Variants in ANKRD28 observed in about 807,000 individuals in gnomAD.
ANKRD28 encodes the protein ankyrin repeat domain 28.
ANKRD28 carries 44 observed loss-of-function variants against 126.5 expected under a neutral mutation model. That is an observed-to-expected ratio of 0.35 (90% CI 0.27 to 0.45). The LOEUF is 0.45. ANKRD28 is among the 20% of genes least tolerant of loss of function. ANKRD28 has a pLI of 1.00. For missense variants in ANKRD28, 1,110 were observed against 1,316.6 expected, an observed-to-expected ratio of 0.84 and a Z score of 2.43; for synonymous variants, 442 against 468.5, an observed-to-expected ratio of 0.94 and a Z score of 0.73.
At position 15,846,588 on chromosome 3, in the gene ANKRD28, T is replaced by C. The variant is rs1342264204; in HGVS notation, c.27+12789A>G. ...GGCAACAGTTCCTAAATTCTGACCA[T>C]TTTATAACAATCGAAAGAGCTCCAC... On this transcript the variant is annotated intron_variant, in intron 1 of 27. Transcript: ENST00000399451. This position sits in a 1 kb window ranked among gnomAD's most constrained non-coding sequence, Gnocchi z 5.4. Among the ~76,000 whole-genome samples, 1 of 152,236 alleles carries C rather than the reference T, an allele frequency of 6.6e-6. No individual in the cohort carries two copies. The highest frequency in any genetic ancestry group is 1.5e-5 in the Non-Finnish European group (1 of 68,044).
In ANKRD28 at chr3:15,694,491, G is replaced by C. The variant is rs533327736; in HGVS notation, c.1761+248C>G. Among the ~76,000 whole-genome samples, 9 of 151,710 alleles carry C rather than the reference G, an allele frequency of 5.9e-5. No individual in the cohort carries two copies. The South Asian group carries it at 1.9e-3, about 32-fold the overall frequency. On this transcript the variant is annotated intron_variant, in intron 17 of 27. Transcript: ENST00000683139. The stretch of plus-strand genomic sequence containing the variant: ...CCCTTTCTCTCCCCAGAAGGCCCTG[G>C]GGGAAGCCTAAGGATCACTGTCTGT...
chr3:15,737,351 G>C (rs1432626383), intron 4 of ANKRD28, 118 bp from the exon 5 acceptor site: 14 of 877,362 alleles, frequency 1.6e-5, no homozygotes, highest in Non-Finnish European at 2.4e-5. Flanking sequence ...AAATAAAAAA[G>C]CTCTCATAGA....
At chr3:15,836,565 T>C (rs1043301099) in intron 1 of ANKRD28, among the ~76,000 whole-genome samples, 2 of 152,104 alleles carry the variant, frequency 1.3e-5, no homozygotes, top group African/African-American at 4.8e-5. Context: ...CAATACCTAA[T>C]TGTATGCTGT....
intron 2 of ANKRD28, among the ~76,000 whole-genome samples, chr3:15,791,602 C>T (rs1021575711): frequency 6.6e-6 from 1 of 152,028 alleles, no homozygotes; most frequent in Non-Finnish European, 1.5e-5. Context: ...TTGCCATATA[C>T]AAAATTCAAA....
Position 15,815,368 on chromosome 3 carries a change from C to T in ANKRD28, c.28-20062G>A, listed in dbSNP as rs1284842812. On this transcript the variant is annotated intron_variant, in intron 1 of 27. Coordinates refer to the ANKRD28 transcript ENST00000399451. The surrounding 1 kb of genome is among the most constrained non-coding windows in gnomAD (Gnocchi z 4.1). The stretch of plus-strand genomic sequence containing the variant: ...GTCACCCAGGTTGGAGTACAGTGGC[C>T]CAAATGTAGTTTCAACCTCCTGGGT... Among the ~76,000 whole-genome samples, 1 of 152,042 alleles carries T rather than the reference C, an allele frequency of 6.6e-6. No individual in the cohort carries two copies.
intron 1 of ANKRD28, among the ~76,000 whole-genome samples, chr3:15,824,756 G>C (rs1420789286): frequency 6.6e-6 from 1 of 152,202 alleles, no homozygotes; most frequent in African/African-American, 2.4e-5. Context: ...TTTGCTATCA[G>C]GTATCACTTA....
At chr3:15,683,531 T>C (rs369447853) in intron 21 of ANKRD28, among the ~76,000 whole-genome samples, 1 of 152,140 alleles carries the variant, frequency 6.6e-6, no homozygotes, top group African/African-American at 2.4e-5. Context: ...TTTAAGGTAG[T>C]AAAAAACAAA....
intron 3 of ANKRD28, among the ~76,000 whole-genome samples, chr3:15,754,098 GGTCCCCCCTTGTTTCACTTTTCACAGC>G: frequency 6.6e-6 from 1 of 152,270 alleles, no homozygotes; most frequent in Middle Eastern, 3.4e-3. Context: ...ATCACACAAT[GGTCCCCCCTTGTTTCACTTTTCACAGC>G]TTGTTACCCA....
rs1553638744 is a variant in ANKRD28, at chr3:15,796,643, G to GGT, written c.-123_-122insAC. The GGT allele has an allele frequency of 1.1e-4, 102 of 912,918 alleles. No homozygotes were observed. Among genetic ancestry groups the GGT allele is most frequent in the Admixed American group, 1.2e-4 (2 of 16,102 alleles). 56.6% of individuals were successfully genotyped at this position (912,918 alleles called of 1,614,324 possible). On this transcript the variant is annotated 5_prime_UTR_variant, in exon 1 of 28. Transcript: ENST00000683139. ...AACATTCTCTGAACAGCACAGCTGG[G>GGT]TTTTTTTTTTTTTTAAAGTTAATAA...
intron 2 of ANKRD28, among the ~76,000 whole-genome samples, chr3:15,776,813 A>G (rs1224443119): frequency 2.0e-5 from 3 of 152,234 alleles, no homozygotes; most frequent in Non-Finnish European, 4.4e-5. Context: ...ATGAAAGTGT[A>G]ACCATTCTTC....
At chr3:15,772,451 C>T (rs1052391115) in intron 2 of ANKRD28, among the ~76,000 whole-genome samples, 2 of 152,046 alleles carry the variant, frequency 1.3e-5, no homozygotes, top group Non-Finnish European at 2.9e-5. Context: ...ATGAATATCC[C>T]CCATCAACAG....
At chr3:15,706,391 C>T (rs936731331) in intron 14 of ANKRD28, among the ~76,000 whole-genome samples, 1 of 148,872 alleles carries the variant, frequency 6.7e-6, no homozygotes, top group African/African-American at 2.4e-5. Flanking sequence ...TTTCCAGCTT[C>T]ATCCATGTTC....
intron 2 of ANKRD28, among the ~76,000 whole-genome samples, chr3:15,777,997 A>G (rs769681586): frequency 1.1e-4 from 16 of 152,072 alleles, no homozygotes; most frequent in Admixed American, 7.2e-4. Context: ...TGTTTTCTTT[A>G]TATTCATTCG....
chr3:15,749,241 GCTGGGA>G (rs2057708657), intron 4 of ANKRD28, among the ~76,000 whole-genome samples: 1 of 150,610 alleles, frequency 6.6e-6, no homozygotes, highest in Non-Finnish European at 1.5e-5. Flanking sequence ...CTCCCGAGTA[GCTGGGA>G]CTACAGGCGC....
chr3:15,854,878 G>A lies in ANKRD28; in HGVS notation c.27+4499C>T, dbSNP rs148257403. On this transcript the variant is annotated intron_variant, in intron 1 of 27. Coordinates refer to the ANKRD28 transcript ENST00000399451. This position sits in a 1 kb window ranked among gnomAD's most constrained non-coding sequence, Gnocchi z 4.1. ...ATCCTGGCCAACATGGTGAAACCCCGTCTCTACTAAAATTACAAAAATTAG... is the reference window on the plus strand; with the variant it reads ...ATCCTGGCCAACATGGTGAAACCCCATCTCTACTAAAATTACAAAAATTAG... Among the ~76,000 whole-genome samples the A allele has an allele frequency of 5.7e-3, 860 of 152,144 alleles. 6 individuals are homozygous for A. Among genetic ancestry groups the A allele is most frequent in the African/African-American group, 0.02 (817 of 41,516 alleles).
At position 15,829,207 on chromosome 3, in the gene ANKRD28, T is replaced by C. The variant is rs529058359; in HGVS notation, c.27+30170A>G. On this transcript the variant is annotated intron_variant, in intron 1 of 27. Transcript: ENST00000399451. ...TTTATTTACTAATATATCCACTACA[T>C]ACCAATATAAATAACTTTATTAAAA... is the stretch of plus-strand genomic sequence containing the variant. Among the ~76,000 whole-genome samples, 3 of 152,260 alleles carry C rather than the reference T, an allele frequency of 2.0e-5. No individual in the cohort carries two copies. The East Asian group carries it at 5.8e-4, about 29-fold the overall frequency.
At chr3:15,680,922 C>T (rs879374517) in intron 21 of ANKRD28, among the ~76,000 whole-genome samples, 11 of 152,188 alleles carry the variant, frequency 7.2e-5, no homozygotes, top group Non-Finnish European at 1.5e-4. Context: ...CTGCCTCAGC[C>T]TCCTAAAATG....
chr3:15,837,003 G>A (rs2061340231), intron 1 of ANKRD28, among the ~76,000 whole-genome samples: 1 of 151,782 alleles, frequency 6.6e-6, no homozygotes, highest in South Asian at 2.1e-4. Flanking sequence ...GGGAGGCTGA[G>A]GCAGGAGAAT....
intron 14 of ANKRD28, among the ~76,000 whole-genome samples, chr3:15,698,387 T>C (rs974513203): frequency 6.6e-6 from 1 of 152,110 alleles, no homozygotes; most frequent in Admixed American, 6.6e-5. Context: ...AAGTTCTGGC[T>C]AGGGCAATCA....
Sources: allele counts gnomAD v4.1 joint callset (sites outside exome capture counted in the v4.1 genomes callset), GRCh38; gene constraint gnomAD v4.1.1; non-coding constraint Gnocchi (gnomAD v3.1); transcripts MANE v1.5; gene names NCBI Gene and HGNC (gene_info 2026-07-23, HGNC 2026-07-21).